Variants in CACNA1H observed in about 807,000 individuals in gnomAD.
The protein encoded by CACNA1H is calcium voltage-gated channel subunit alpha1 H.
A neutral mutation model predicts 192.5 loss-of-function variants in CACNA1H; 149 were observed. The observed-to-expected ratio is 0.77, with a 90% CI of 0.68 to 0.89. CACNA1H has a LOEUF of 0.89. Ranked by LOEUF, CACNA1H falls within the 40% of genes least tolerant of loss-of-function variation. The probability of loss-of-function intolerance (pLI) is 0.00; values close to 1 mark genes in which losing one functional copy is unlikely to be tolerated. For synonymous variants in CACNA1H, 2,202 were observed against 1,475.2 expected, an observed-to-expected ratio of 1.49 and a Z score of -11.29; for missense variants, 4,257 against 3,423.5, an observed-to-expected ratio of 1.24 and a Z score of -6.08.
chr16:1,220,753 G>C lies in CACNA1H; in HGVS notation c.6821G>C (p.Gly2274Ala), dbSNP rs973323974. ...PSFAFEPLDL[G>A]VPSGDPFLDG... is the part of the protein sequence containing the mutation. Reference sequence around the variant, plus strand: ...TTTGCCTTTGAGCCGCTGGACCTCGGGGTCCCCAGTGGAGACCCTTTCTTG... The same window carrying C: ...TTTGCCTTTGAGCCGCTGGACCTCGCGGTCCCCAGTGGAGACCCTTTCTTG... Residue 2274 changes from glycine (G) to alanine (A), a missense_variant, in exon 35 of 35, where the codon GGG (glycine) becomes GCG (alanine). Physicochemically the swap from Gly to Ala is moderately conservative, Grantham distance 60. Transcript: ENST00000348261. 4 of 1,612,516 alleles carry C rather than the reference G, an allele frequency of 2.5e-6. No homozygotes were observed. The highest frequency in any genetic ancestry group is 2.5e-6 in the Non-Finnish European group (3 of 1,179,736).
Position 1,218,439 on chromosome 16 carries a change from G to C in CACNA1H, c.5675G>C (p.Arg1892Pro), listed in dbSNP as rs58667649. The C allele has an allele frequency of 6.4e-7, 1 of 1,552,680 alleles. No individual in the cohort carries two copies. Residue 1892 changes from arginine (R) to proline (P), a missense_variant, in exon 33 of 35, where the codon CGC becomes CCC. Coordinates refer to ENST00000348261, the MANE Select transcript of CACNA1H (RefSeq NM_021098.3). ...ATGGCGCAGGGCCCCGGGAGTGCAC[G>C]CCGGGTGGACGCGGACAGGCCTCCC... ...LEMAQGPGSA[R>P]RVDADRPPLP...
At position 1,221,718 on chromosome 16, in the gene CACNA1H, CAAGG is replaced by C; in HGVS notation, c.*725_*728del. 3 of 1,415,182 alleles carry C rather than the reference CAAGG, an allele frequency of 2.1e-6. No individual in the cohort carries two copies. Among genetic ancestry groups the C allele is most frequent in the Non-Finnish European group, 2.8e-6 (3 of 1,054,072 alleles). 87.7% of individuals were successfully genotyped at this position (1,415,182 alleles called of 1,614,324 possible). ...ATCTGATGCAGAAGACTCAGCTTCT[CAAGG>C]GAGAGGGAGGGGGCGGAGCGGAATA... On this transcript the variant is annotated 3_prime_UTR_variant, in exon 35 of 35. Transcript: ENST00000348261.
In CACNA1H at chr16:1,170,028, T is replaced by C. The variant is rs539221742; in HGVS notation, c.299+15992T>C. Among the ~76,000 whole-genome samples the C allele has an allele frequency of 4.6e-5, 7 of 152,266 alleles. No individual in the cohort carries two copies. In the East Asian group the frequency reaches 1.4e-3, roughly 30 times the overall value. On this transcript the variant is annotated intron_variant, in intron 2 of 34. Coordinates refer to ENST00000348261, the MANE Select transcript of CACNA1H (RefSeq NM_021098.3). The stretch of plus-strand genomic sequence containing the variant: ...TTTATGTGCAGGGCTCAAGTCCCGG[T>C]GGGAAGAGACAGTGTGGGCTGAGCC...
intron 2 of CACNA1H, among the ~76,000 whole-genome samples, chr16:1,186,278 C>T (rs937184254): frequency 2.6e-5 from 4 of 151,934 alleles, no homozygotes; most frequent in Non-Finnish European, 5.9e-5. Flanking sequence ...ATGCGCGGCT[C>T]CCTCGAGGTG....
intron 17 of CACNA1H, among the ~76,000 whole-genome samples, 179 bp from the exon 18 acceptor site, chr16:1,209,856 C>A (rs1047253832): frequency 6.6e-6 from 1 of 152,196 alleles, no homozygotes; most frequent in African/African-American, 2.4e-5. Flanking sequence ...AAGGGGGAGG[C>A]TCCACGGTAT....
intron 2 of CACNA1H, among the ~76,000 whole-genome samples, chr16:1,155,914 C>G (rs190018574): frequency 1.3e-5 from 2 of 152,100 alleles, no homozygotes; most frequent in African/African-American, 2.4e-5. Context: ...AGGAGCTGTC[C>G]TTTTGGGCTT....
intron 2 of CACNA1H, among the ~76,000 whole-genome samples, chr16:1,155,841 G>T (rs528184337): frequency 6.6e-6 from 1 of 152,164 alleles, no homozygotes; most frequent in African/African-American, 2.4e-5. Context: ...GAGCTCTCCA[G>T]GGGGAGAGGA....
At chr16:1,207,534 T>G in intron 14 of CACNA1H, 104 bp downstream of exon 14, 4 of 1,251,784 alleles carry the variant, frequency 3.2e-6, no homozygotes, top group Non-Finnish European at 3.4e-6. Context: ...AGGTGAGGGA[T>G]AGAGAAGGGA....
chr16:1,212,460 G>A (rs771655173), intron 25 of CACNA1H, 51 bp from the exon 26 acceptor site: 1 of 1,570,106 alleles, frequency 6.4e-7, no homozygotes, highest in Non-Finnish European at 8.7e-7. Context: ...AGGGCTCCAG[G>A]CCCGAGTGCG....
chr16:1,209,561 C>T, intron 17 of CACNA1H, 149 bp downstream of exon 17: 1 of 952,454 alleles, frequency 1.0e-6, no homozygotes, highest in Non-Finnish European at 1.5e-6. Context: ...AGGGAGGAAT[C>T]CAGCAGTGTT....
At chr16:1,183,337 G>A (rs1313299212) in intron 2 of CACNA1H, among the ~76,000 whole-genome samples, 6 of 152,176 alleles carry the variant, frequency 3.9e-5, no homozygotes, top group Non-Finnish European at 7.4e-5. Flanking sequence ...AAAACCCTGC[G>A]GTGGCTTCTC....
rs370615385 is a variant in CACNA1H at position 1,211,261 on chromosome 16, C to T, written c.4317C>T (p.Ala1439=). The T allele has an allele frequency of 8.7e-6, 14 of 1,613,156 alleles. No homozygotes were observed. Among genetic ancestry groups the T allele is most frequent in the African/African-American group, 1.3e-5 (1 of 75,064 alleles). Residue 1439 remains alanine, a synonymous_variant, in exon 22 of 35, where the codon GCC becomes GCT. Coordinates refer to ENST00000348261, the MANE Select transcript of CACNA1H (RefSeq NM_021098.3). ...PIGNIVLICC[A]FFIIFGILGV... is the part of the protein sequence containing the mutation. ...GGAACATCGTCCTCATCTGCTGCGC[C>T]TTCTTCATCATTTTTGGCATTTTGG... is the stretch of plus-strand genomic sequence containing the variant.
chr16:1,182,763 C>T (rs1027546644), intron 2 of CACNA1H, among the ~76,000 whole-genome samples: 2 of 152,114 alleles, frequency 1.3e-5, no homozygotes, highest in African/African-American at 4.8e-5. Context: ...TCGCAGCCCC[C>T]CGACGAGGCT....
chr16:1,206,489 G>C, intron 12 of CACNA1H, 200 bp downstream of exon 12: 1 of 587,534 alleles, frequency 1.7e-6, no homozygotes, highest in Non-Finnish European at 3.0e-6. Flanking sequence ...GACATGCAGG[G>C]AGTCAGATGG....
In CACNA1H at chr16:1,220,589, G is replaced by C; in HGVS notation, c.6657G>C (p.Arg2219Ser). 6.5e-7 allele frequency: 1 copy of C among 1,546,908 alleles called. No homozygotes were observed. The highest frequency in any genetic ancestry group is 1.2e-5 in the South Asian group (1 of 80,074). The part of the protein sequence containing the change: ...AEGGSTTLRR[R>S]TPSCEATPHR... The stretch of plus-strand genomic sequence containing the variant: ...GCGGCAGCACCACACTGAGGCGCAG[G>C]ACCCCGTCCTGTGAGGCCACGCCTC... The change falls in exon 35 of 35, where the codon AGG becomes AGC. Residue 2219 changes from arginine (R) to serine (S), a missense_variant. Transcript: ENST00000348261.
In CACNA1H at chr16:1,219,967, C is replaced by G. The variant is rs758948165; in HGVS notation, c.6049-14C>G. ...CAGGGCCCCGCCCCTCACTTTGACT[C>G]TACGCCCCCACAGGAGGCTGTGCAC... On this transcript the variant is annotated splice_polypyrimidine_tract_variant and intron_variant, in intron 34 of 34. Coordinates refer to ENST00000348261, the MANE Select transcript of CACNA1H (RefSeq NM_021098.3). 1 of 1,291,918 alleles carries G rather than the reference C, an allele frequency of 7.7e-7. No homozygotes were observed. Among genetic ancestry groups the G allele is most frequent in the Non-Finnish European group, 9.9e-7 (1 of 1,014,360 alleles). The allele number at this position is 1,291,918 out of a possible 1,614,324, so 80.0% of individuals were successfully genotyped here.
chr16:1,206,051 G>T (rs907784092), intron 11 of CACNA1H, 53 bp from the exon 12 acceptor site: 3 of 1,498,136 alleles, frequency 2.0e-6, no homozygotes, highest in African/African-American at 2.8e-5. Context: ...TGGGACGAGG[G>T]CCTGGGGTCA....
intron 9 of CACNA1H, among the ~76,000 whole-genome samples, chr16:1,203,795 C>T (rs1040872716): frequency 6.6e-6 from 1 of 152,212 alleles, no homozygotes; most frequent in Non-Finnish European, 1.5e-5. Context: ...AGGGCCCTCC[C>T]TACTCCGGGA....
chr16:1,206,861 AG>A (rs1260139471), intron 12 of CACNA1H, 139 bp from the exon 13 acceptor site: 1 of 590,504 alleles, frequency 1.7e-6, no homozygotes, highest in East Asian at 2.8e-5. Flanking sequence ...GCGCCCAGGG[AG>A]GGTAGGAGGC....
Sources: allele counts gnomAD v4.1 joint callset (sites outside exome capture counted in the v4.1 genomes callset), GRCh38; gene constraint gnomAD v4.1.1; transcripts MANE v1.5; gene names NCBI Gene and HGNC (gene_info 2026-07-23, HGNC 2026-07-21).